Variants in SMAD4 observed in about 807,000 individuals in gnomAD.
The protein encoded by SMAD4 is SMAD family member 4.
SMAD4 carries 7 observed loss-of-function variants against 63.2 expected under a neutral mutation model. The ratio of observed to expected loss-of-function variants is 0.11; its 90% CI spans 0.06 to 0.21. The LOEUF (loss-of-function observed/expected upper bound fraction) is 0.21, where lower values mean the gene tolerates loss of function less well. Among genes scored for constraint, SMAD4 ranks in the 10% least tolerant of loss-of-function variants. SMAD4 has a pLI of 1.00. For missense variants in SMAD4, 312 were observed against 693.8 expected (o/e 0.45, Z 6.18); for synonymous variants, 215 against 235.4 (o/e 0.91, Z 0.79).
intron 10 of SMAD4, among the ~76,000 whole-genome samples, chr18:51,070,086 C>G (rs1910276523): frequency 6.6e-6 from 1 of 152,072 alleles, no homozygotes; most frequent in African/African-American, 2.4e-5. Flanking sequence ...CCCACTTAAC[C>G]CATCTTGACT....
In SMAD4 at chr18:51,082,546, G is replaced by A. The variant is rs1206888448; in HGVS notation, c.*4079G>A. 7 of 227,974 alleles carry A rather than the reference G, an allele frequency of 3.1e-5. No individual in the cohort carries two copies. Among genetic ancestry groups the A allele is most frequent in the Admixed American group, 2.8e-4 (5 of 17,614 alleles). 14.1% of individuals were successfully genotyped at this position (227,974 alleles called of 1,614,324 possible). On this transcript the variant is annotated 3_prime_UTR_variant, in exon 12 of 12. Coordinates refer to ENST00000342988, the MANE Select transcript of SMAD4 (RefSeq NM_005359.6). ...CATCCAGAATTGCCTTATTTAAGAA[G>A]TAAAACGTTTTAATTTTTAGCCTTT...
Position 51,047,306 on chromosome 18 carries a change from TAA to T in SMAD4, c.249+12_249+13del, listed in dbSNP as rs773398138. On this transcript the variant is annotated intron_variant, in intron 2 of 11. Coordinates refer to ENST00000342988, the MANE Select transcript of SMAD4 (RefSeq NM_005359.6). The stretch of plus-strand genomic sequence containing the variant: ...GATGGGAGGCTTCAGGTTAGTCTTA[TAA>T]GAGTTTTTCTATACCCTCTATGGTG... 6.2e-7 allele frequency: 1 copy of T among 1,610,324 alleles called. No homozygotes were observed. Among genetic ancestry groups the T allele is most frequent in the Non-Finnish European group, 8.5e-7 (1 of 1,177,670 alleles).
chr18:51,063,669 T>A (rs1446683380), intron 8 of SMAD4, among the ~76,000 whole-genome samples: 1 of 152,156 alleles, frequency 6.6e-6, no homozygotes, highest in Non-Finnish European at 1.5e-5. Flanking sequence ...CATCTTGGCC[T>A]CCCAAAGTGC....
intron 1 of SMAD4, among the ~76,000 whole-genome samples, chr18:51,030,931 T>C (rs1335013847): frequency 6.6e-6 from 1 of 152,114 alleles, no homozygotes; most frequent in African/African-American, 2.4e-5. Flanking sequence ...TCTCAGTAGT[T>C]TCACGGTCGC....
At chr18:51,051,523 C>T (rs910294248) in intron 4 of SMAD4, 13 of 407,560 alleles carry the variant, frequency 3.2e-5, no homozygotes, top group Non-Finnish European at 5.8e-5. Flanking sequence ...TCTATGACCA[C>T]GTTGACCTGT....
intron 10 of SMAD4, among the ~76,000 whole-genome samples, chr18:51,072,592 A>G (rs1910346467): frequency 6.6e-6 from 1 of 152,198 alleles, no homozygotes; most frequent in South Asian, 2.1e-4. Flanking sequence ...ATTATATAGT[A>G]TTGCATTTAA....
At chr18:51,062,471 T>C (rs868763154) in intron 8 of SMAD4, among the ~76,000 whole-genome samples, 30 of 151,722 alleles carry the variant, frequency 2.0e-4, no homozygotes, top group African/African-American at 4.1e-4. Context: ...GGATATCACT[T>C]TTTTTTTGCT....
chr18:51,058,098 C>T (rs745440462), intron 5 of SMAD4, 27 bp from the exon 6 acceptor site: 8 of 1,609,786 alleles, frequency 5.0e-6, no homozygotes, highest in African/African-American at 2.7e-5. Context: ...ATGAATGTAC[C>T]ATGTTAATGT....
intron 7 of SMAD4, among the ~76,000 whole-genome samples, chr18:51,058,933 A>G (rs1909927492): frequency 6.6e-6 from 1 of 152,208 alleles, no homozygotes; most frequent in Non-Finnish European, 1.5e-5. Context: ...GAATAGGAGC[A>G]TTGTTCATAT....
At chr18:51,064,516 CTG>C (rs1256894898) in intron 8 of SMAD4, among the ~76,000 whole-genome samples, 3 of 152,168 alleles carry the variant, frequency 2.0e-5, no homozygotes, top group East Asian at 1.9e-4. Flanking sequence ...CCTAGATACT[CTG>C]TAGATATCTG....
At chr18:51,067,466 G>A (rs1910196984) in intron 10 of SMAD4, among the ~76,000 whole-genome samples, 1 of 152,058 alleles carries the variant, frequency 6.6e-6, no homozygotes, top group African/African-American at 2.4e-5. Context: ...AGGCTGGAAT[G>A]CAGTGGCGTG....
At chr18:51,042,297 CT>C (rs1909407779) in intron 1 of SMAD4, among the ~76,000 whole-genome samples, 1 of 67,998 alleles carries the variant, frequency 1.5e-5, no homozygotes, top group Non-Finnish European at 3.7e-5. Flanking sequence ...GCCTCCCTCC[CT>C]CCTTCCCTCC....
chr18:51,042,996 G>A (rs769670457), intron 1 of SMAD4, among the ~76,000 whole-genome samples: 3 of 152,190 alleles, frequency 2.0e-5, no homozygotes, highest in Admixed American at 2.0e-4. Context: ...ATAAGTGCTA[G>A]CATCTAACTT....
chr18:51,036,124 C>G (rs1202289591), intron 1 of SMAD4, among the ~76,000 whole-genome samples: 1 of 152,032 alleles, frequency 6.6e-6, no homozygotes, highest in Non-Finnish European at 1.5e-5. Flanking sequence ...CAGGCCGGCA[C>G]CACCACGCCT....
intron 8 of SMAD4, among the ~76,000 whole-genome samples, chr18:51,063,514 G>GT (rs1237821364): frequency 6.6e-6 from 1 of 152,064 alleles, no homozygotes; most frequent in Non-Finnish European, 1.5e-5. Context: ...CCAGACTTAG[G>GT]TGATTCTCCC....
In SMAD4 at chr18:51,054,762, T is replaced by C; in HGVS notation, c.455-19T>C. 1.3e-6 allele frequency: 2 copies of C among 1,558,016 alleles called. No homozygotes were observed. The highest frequency in any genetic ancestry group is 1.8e-6 in the Non-Finnish European group (2 of 1,131,730). ...TAGAAGCTTATAAAAATTTAAAATA[T>C]GTTTAATTTTCTATATAGCTCCATC... On this transcript the variant is annotated intron_variant, in intron 4 of 11. Transcript: ENST00000342988.
chr18:51,048,891 C>G (rs1909625758), intron 3 of SMAD4, 31 bp downstream of exon 3: 3 of 1,584,450 alleles, frequency 1.9e-6, no homozygotes, highest in Non-Finnish European at 2.6e-6. Flanking sequence ...TCCTAAGAAA[C>G]ATAAAGGGAA....
chr18:51,084,381 T>C lies in SMAD4; in HGVS notation c.*5914T>C. The C allele has an allele frequency of 4.3e-6, 1 of 229,998 alleles. No individual in the cohort carries two copies. Among genetic ancestry groups the C allele is most frequent in the Non-Finnish European group, 8.6e-6 (1 of 116,038 alleles). The allele number at this position is 229,998 out of a possible 1,614,324, so 14.2% of individuals were successfully genotyped here. A position where few individuals can be genotyped will look rare whatever the true frequency, so the allele number is the denominator to read the frequency against. Reference sequence around the variant, plus strand: ...AACTTTATTCTTGGCTCTTTTTAGGTCCATTTTGATTAAGTGACTTTTGGC... The same window carrying C: ...AACTTTATTCTTGGCTCTTTTTAGGCCCATTTTGATTAAGTGACTTTTGGC... On this transcript the variant is annotated 3_prime_UTR_variant, in exon 12 of 12. Transcript: ENST00000342988.
intron 8 of SMAD4, among the ~76,000 whole-genome samples, chr18:51,060,916 T>TA (rs1326572465): frequency 1.3e-4 from 20 of 151,974 alleles, no homozygotes; most frequent in African/African-American, 4.8e-4. Flanking sequence ...TTTATTTATT[T>TA]TTTTCCGAGA....
Sources: allele counts gnomAD v4.1 joint callset (sites outside exome capture counted in the v4.1 genomes callset), GRCh38; gene constraint gnomAD v4.1.1; transcripts MANE v1.5; gene names NCBI Gene and HGNC (gene_info 2026-07-23, HGNC 2026-07-21).